Variants in DACH2 observed in about 807,000 individuals in gnomAD.
DACH2 encodes the protein dachshund family transcription factor 2, also known as dachshund homolog 2.
A neutral mutation model predicts 35.8 loss-of-function variants in DACH2; 17 were observed. That is an observed-to-expected ratio of 0.48 (90% CI 0.33 to 0.71). DACH2 has a LOEUF of 0.71. Among genes scored for constraint, DACH2 ranks in the 30% least tolerant of loss-of-function variants. The pLI, the probability that DACH2 is intolerant of heterozygous loss-of-function variation, is 0.02. For missense variants in DACH2, 469 were observed against 472.7 expected (o/e 0.99, Z 0.07); for synonymous variants, 195 against 177.3 (o/e 1.10, Z -0.79).
At chrX:86,357,850 T>C (rs2035668202) in intron 1 of DACH2, among the ~76,000 whole-genome samples, 1 of 112,362 alleles carries the variant, frequency 8.9e-6, no homozygotes, top group South Asian at 3.7e-4. Context: ...GGCATATCCA[T>C]GAGACAAAAG....
At chrX:86,768,326 C>G (rs1457449422) in intron 7 of DACH2, among the ~76,000 whole-genome samples, 1 of 111,460 alleles carries the variant, frequency 9.0e-6, no homozygotes, top group East Asian at 2.8e-4. Context: ...TTGGATTATT[C>G]CCTGTATTGG....
intron 6 of DACH2, among the ~76,000 whole-genome samples, chrX:86,735,495 T>A (rs1430318006): frequency 8.9e-6 from 1 of 112,164 alleles, no homozygotes; most frequent in Non-Finnish European, 1.9e-5. Context: ...AAGGAACTGG[T>A]ATAGTAGAGG....
At chrX:86,333,551 G>C (rs1569353120) in intron 1 of DACH2, among the ~76,000 whole-genome samples, 1 of 111,501 alleles carries the variant, frequency 9.0e-6, no homozygotes, top group Non-Finnish European at 1.9e-5. Flanking sequence ...TAGTGGACAA[G>C]TCCAAACATA....
intron 7 of DACH2, among the ~76,000 whole-genome samples, chrX:86,797,074 C>T (rs993473950): frequency 9.0e-6 from 1 of 110,869 alleles, no homozygotes; most frequent in Admixed American, 9.7e-5. Context: ...ACTGTACTCC[C>T]CTGTTGTCTG....
At chrX:86,653,297 T>C (rs2040498743) in intron 4 of DACH2, among the ~76,000 whole-genome samples, 1 of 112,031 alleles carries the variant, frequency 8.9e-6, no homozygotes, top group Non-Finnish European at 1.9e-5. Context: ...TAGTGTTTGT[T>C]TTGTACCTGT....
intron 1 of DACH2, among the ~76,000 whole-genome samples, chrX:86,198,728 C>T (rs2032062116): frequency 9.0e-6 from 1 of 110,873 alleles, no homozygotes; most frequent in East Asian, 2.9e-4. Context: ...GATATTGAAT[C>T]CTCAAATAGA....
At position 86,635,036 on chromosome X, in the gene DACH2, A is replaced by T. The variant is rs761639479; in HGVS notation, c.641-16000A>T. Among the ~76,000 whole-genome samples, 3 of 110,460 alleles carry T rather than the reference A, an allele frequency of 2.7e-5. No individual in the cohort carries two copies. The South Asian group carries it at 1.1e-3, about 42-fold the overall frequency. On this transcript the variant is annotated intron_variant, in intron 3 of 11. Transcript: ENST00000373125. The stretch of plus-strand genomic sequence containing the variant: ...ATTCTATAAGGCCAGCATTATCCTG[A>T]TGCCAAAACCTGGTAGAGACATAAC...
At chrX:86,759,316 A>T (rs770633916) in intron 7 of DACH2, among the ~76,000 whole-genome samples, 1 of 111,879 alleles carries the variant, frequency 8.9e-6, no homozygotes, top group East Asian at 2.8e-4. Flanking sequence ...ATATATGCTT[A>T]GAATTTTTAA....
At chrX:86,504,869 G>A (rs946961743) in intron 2 of DACH2, among the ~76,000 whole-genome samples, 1 of 111,540 alleles carries the variant, frequency 9.0e-6, no homozygotes, top group East Asian at 2.8e-4. Context: ...AAAGATTTTC[G>A]GGGGAGAGAT....
At chrX:86,411,549 A>G (rs1343262574) in intron 2 of DACH2, among the ~76,000 whole-genome samples, 4 of 111,384 alleles carry the variant, frequency 3.6e-5, no homozygotes, top group Non-Finnish European at 7.5e-5. Context: ...TATCTCTTGT[A>G]CAACTGAAAA....
At chrX:86,565,440 C>A (rs1415096074) in intron 3 of DACH2, among the ~76,000 whole-genome samples, 1 of 111,511 alleles carries the variant, frequency 9.0e-6, no homozygotes, top group Non-Finnish European at 1.9e-5. Context: ...TCAGGCTTCA[C>A]CCCAGACCTA....
chrX:86,259,874 A>G (rs909414315), intron 1 of DACH2, among the ~76,000 whole-genome samples: 1 of 111,497 alleles, frequency 9.0e-6, no homozygotes, highest in Admixed American at 9.6e-5. Context: ...TCCATTATCT[A>G]TGTAGATTTA....
intron 3 of DACH2, among the ~76,000 whole-genome samples, chrX:86,533,147 T>C (rs1347022165): frequency 9.0e-6 from 1 of 111,065 alleles, no homozygotes; most frequent in Non-Finnish European, 1.9e-5. Context: ...ACTCCTAGAC[T>C]CAAGTGACTC....
chrX:86,282,233 C>T (rs991170475), intron 1 of DACH2, among the ~76,000 whole-genome samples: 13 of 111,537 alleles, frequency 1.2e-4, no homozygotes, highest in South Asian at 3.7e-4. Context: ...GGAGGCATCA[C>T]GCTACCTGAC....
At chrX:86,516,160 C>T (rs921460994) in intron 3 of DACH2, among the ~76,000 whole-genome samples, 3 of 111,302 alleles carry the variant, frequency 2.7e-5, no homozygotes, top group Non-Finnish European at 5.7e-5. Context: ...AAGAGAGTAG[C>T]CCTGTGCATA....
intron 1 of DACH2, among the ~76,000 whole-genome samples, chrX:86,299,863 A>G (rs1268504311): frequency 1.8e-5 from 2 of 111,956 alleles, no homozygotes; most frequent in Non-Finnish European, 3.8e-5. Flanking sequence ...GCTGACAGTA[A>G]CAACATAAAA....
intron 3 of DACH2, among the ~76,000 whole-genome samples, chrX:86,596,148 T>C (rs767584695): frequency 8.9e-6 from 1 of 112,360 alleles, no homozygotes; most frequent in African/African-American, 3.2e-5. Context: ...TACAATTTTT[T>C]AATCCATTTA....
intron 1 of DACH2, among the ~76,000 whole-genome samples, chrX:86,266,739 T>C (rs1185927284): frequency 8.9e-6 from 1 of 111,757 alleles, no homozygotes; most frequent in Non-Finnish European, 1.9e-5. Flanking sequence ...TGTTATATGG[T>C]CCCTTCCTTG....
At chrX:86,622,230 A>G (rs1001032697) in intron 3 of DACH2, among the ~76,000 whole-genome samples, 3 of 112,078 alleles carry the variant, frequency 2.7e-5, no homozygotes, top group African/African-American at 6.5e-5. Flanking sequence ...AACAATGCCA[A>G]GTGAATTTTG....
Sources: allele counts gnomAD v4.1 joint callset (sites outside exome capture counted in the v4.1 genomes callset), GRCh38; gene constraint gnomAD v4.1.1; transcripts MANE v1.5; gene names NCBI Gene and HGNC (gene_info 2026-07-23, HGNC 2026-07-21).